The following TMEM132E variants were observed in gnomAD, a reference collection of about 807,000 sequenced individuals.
TMEM132E encodes the protein transmembrane protein 132E.
A neutral mutation model predicts 78.5 loss-of-function variants in TMEM132E; 49 were observed. The ratio of observed to expected loss-of-function variants is 0.62; its 90% CI spans 0.50 to 0.79. The LOEUF (loss-of-function observed/expected upper bound fraction) is 0.79, where lower values mean the gene tolerates loss of function less well. Among genes scored for constraint, TMEM132E ranks in the 30% least tolerant of loss-of-function variants. The pLI, the probability that TMEM132E is intolerant of heterozygous loss-of-function variation, is 0.00. For missense variants in TMEM132E, 1,403 were observed against 1,470.9 expected, an observed-to-expected ratio of 0.95 and a Z score of 0.75; for synonymous variants, 715 against 670.6, an observed-to-expected ratio of 1.07 and a Z score of -1.02.
chr17:34,581,380 C>T (rs1905476868), intron 1 of TMEM132E, among the ~76,000 whole-genome samples: 1 of 152,024 alleles, frequency 6.6e-6, no homozygotes, highest in Admixed American at 6.5e-5. Flanking sequence ...CTCCAGTCCT[C>T]TCCTGGTTAT....
At chr17:34,628,943 A>T in intron 3 of TMEM132E, 69 bp from the exon 4 acceptor site, 1 of 1,494,202 alleles carries the variant, frequency 6.7e-7, no homozygotes, top group Non-Finnish European at 9.0e-7. Flanking sequence ...CCCCACTGAG[A>T]GTTTCTGAGC....
chr17:34,620,921 A>C (rs577140385), intron 1 of TMEM132E, among the ~76,000 whole-genome samples: 26 of 152,280 alleles, frequency 1.7e-4, no homozygotes, highest in African/African-American at 6.3e-4. Flanking sequence ...TGAAGCCACT[A>C]TTCATGTATT....
chr17:34,604,853 G>C (rs557876356), intron 1 of TMEM132E, among the ~76,000 whole-genome samples: 1 of 152,180 alleles, frequency 6.6e-6, no homozygotes, highest in Non-Finnish European at 1.5e-5. Context: ...TCCTCCTCAC[G>C]ACAGCCCCAT....
At chr17:34,609,466 A>G (rs141903191) in intron 1 of TMEM132E, among the ~76,000 whole-genome samples, 1 of 152,274 alleles carries the variant, frequency 6.6e-6, no homozygotes, top group East Asian at 1.9e-4. Context: ...CCAGGACCTG[A>G]CAGATTGCTG....
chr17:34,626,981 G>C lies in TMEM132E; in HGVS notation c.922G>C (p.Val308Leu), dbSNP rs377511363. Residue 308 changes from valine (V) to leucine (L), a missense_variant, in exon 2 of 9, where the codon GTG (valine) becomes CTG (leucine). Physicochemically the swap from Val to Leu is conservative, Grantham distance 32 (BLOSUM62 1). Coordinates refer to ENST00000631683, the MANE Select transcript of TMEM132E (RefSeq NM_001304438.2). ...AGACCGGCCCCTCAAGCCCGGGGAAGTGCTCAGCATCCTCCTCTATCTGGC... is the reference window on the plus strand; with the variant it reads ...AGACCGGCCCCTCAAGCCCGGGGAACTGCTCAGCATCCTCCTCTATCTGGC... The part of the protein sequence containing the change: ...LPDRPLKPGE[V>L]LSILLYLAPN... 3.7e-6 allele frequency: 6 copies of C among 1,613,838 alleles called. No individual in the cohort carries two copies. The highest frequency in any genetic ancestry group is 5.1e-6 in the Non-Finnish European group (6 of 1,180,028).
At chr17:34,585,669 C>G (rs144977147) in intron 1 of TMEM132E, among the ~76,000 whole-genome samples, 1 of 152,220 alleles carries the variant, frequency 6.6e-6, no homozygotes, top group Admixed American at 6.5e-5. Flanking sequence ...CCTCTACTAT[C>G]CCCTCTCTCT....
At chr17:34,595,611 G>A (rs1192583129) in intron 1 of TMEM132E, among the ~76,000 whole-genome samples, 4 of 152,204 alleles carry the variant, frequency 2.6e-5, no homozygotes, top group East Asian at 1.9e-4. Flanking sequence ...GGAGATTCAG[G>A]CCCCTCTCAC....
chr17:34,628,981 T>C (rs1165406921), intron 3 of TMEM132E, 31 bp from the exon 4 acceptor site: 1 of 1,526,444 alleles, frequency 6.6e-7, no homozygotes, highest in East Asian at 2.3e-5. Flanking sequence ...CCCTTCATCC[T>C]CTGCTCTCCT....
intron 1 of TMEM132E, among the ~76,000 whole-genome samples, chr17:34,604,621 G>T (rs1906351869): frequency 6.6e-6 from 1 of 151,994 alleles, no homozygotes. Flanking sequence ...CAGGCTTCCA[G>T]CTCTGCATCT....
intron 1 of TMEM132E, among the ~76,000 whole-genome samples, chr17:34,584,190 C>T (rs1407122500): frequency 1.3e-5 from 2 of 152,232 alleles, no homozygotes; most frequent in Non-Finnish European, 2.9e-5. Flanking sequence ...ATCTTTACTT[C>T]AAAGATACTG....
intron 1 of TMEM132E, among the ~76,000 whole-genome samples, chr17:34,615,146 CCCCAGGAGCAGGACTAGGAGGCCAG>C: frequency 3.2e-5 from 1 of 31,020 alleles, no homozygotes; most frequent in East Asian, 1.9e-3. Flanking sequence ...CCCTGGGTTT[CCCCAGGAGCAGGACTAGGAGGCCAG>C]TTCAGGGGCT....
At chr17:34,597,070 A>C (rs886575445) in intron 1 of TMEM132E, among the ~76,000 whole-genome samples, 2 of 151,916 alleles carry the variant, frequency 1.3e-5, no homozygotes, top group Non-Finnish European at 2.9e-5. Context: ...GAGGCTGCCC[A>C]AGTCAGGGCT....
rs1468570406 is a variant in TMEM132E, at chr17:34,635,101, C to G, written c.1977+14C>G. The stretch of plus-strand genomic sequence containing the variant: ...ACCCCCTTTAAGGTAGGTATGGGCT[C>G]TGTCCCAGCACAAAGGGGCAGTGTC... On this transcript the variant is annotated intron_variant, in intron 7 of 8. Transcript: ENST00000631683. 6.3e-7 allele frequency: 1 copy of G among 1,598,728 alleles called. No homozygotes were observed. Among genetic ancestry groups the G allele is most frequent in the Admixed American group, 1.7e-5 (1 of 58,534 alleles).
intron 1 of TMEM132E, among the ~76,000 whole-genome samples, chr17:34,584,758 A>T (rs547613661): frequency 6.6e-6 from 1 of 152,354 alleles, no homozygotes; most frequent in Admixed American, 6.5e-5. Context: ...GAGCAAGAGG[A>T]TGGAGCAGGC....
chr17:34,583,380 G>T (rs1454074158), intron 1 of TMEM132E, among the ~76,000 whole-genome samples: 1 of 152,210 alleles, frequency 6.6e-6, no homozygotes, highest in African/African-American at 2.4e-5. Context: ...AGAGAAGGGT[G>T]CCAGCAGATA....
intron 1 of TMEM132E, among the ~76,000 whole-genome samples, chr17:34,608,817 C>T (rs1014941230): frequency 6.6e-6 from 1 of 152,150 alleles, no homozygotes; most frequent in Middle Eastern, 3.2e-3. Flanking sequence ...TCTTTTGTGG[C>T]CTCATAGGGA....
chr17:34,620,108 C>T (rs1483059242), intron 1 of TMEM132E, among the ~76,000 whole-genome samples: 1 of 152,198 alleles, frequency 6.6e-6, no homozygotes, highest in Admixed American at 6.5e-5. Flanking sequence ...AGCCCCCACC[C>T]CTAGCCTGCC....
chr17:34,619,851 A>T (rs968299625), intron 1 of TMEM132E, among the ~76,000 whole-genome samples: 2 of 152,242 alleles, frequency 1.3e-5, no homozygotes, highest in African/African-American at 4.8e-5. Context: ...AGATCCCTAA[A>T]CACTGACATC....
chr17:34,596,168 G>A (rs1906054252), intron 1 of TMEM132E, among the ~76,000 whole-genome samples: 1 of 152,178 alleles, frequency 6.6e-6, no homozygotes, highest in South Asian at 2.1e-4. Context: ...GGTGTGGCAA[G>A]AGGAATTGGT....
Sources: allele counts gnomAD v4.1 joint callset (sites outside exome capture counted in the v4.1 genomes callset), GRCh38; gene constraint gnomAD v4.1.1; transcripts MANE v1.5; gene names NCBI Gene and HGNC (gene_info 2026-07-23, HGNC 2026-07-21).